Variants in LRIT1 observed in about 807,000 individuals in gnomAD.
LRIT1 encodes the protein leucine-rich repeat, immunoglobulin-like domain and transmembrane domain-containing protein 1.
A neutral mutation model predicts 24.0 loss-of-function variants in LRIT1; 23 were observed. The observed-to-expected ratio is 0.96, with a 90% CI of 0.69 to 1.36. LRIT1 has a LOEUF of 1.36. LRIT1 is among the 40% of genes most tolerant of loss of function. The pLI, the probability that LRIT1 is intolerant of heterozygous loss-of-function variation, is 0.00. For missense variants in LRIT1, 846 were observed against 806.3 expected (o/e 1.05, Z -0.60); for synonymous variants, 361 against 340.5 (o/e 1.06, Z -0.66).
In LRIT1 at chr10:84,233,675, C is replaced by G. The variant is rs376453296; in HGVS notation, c.895+398G>C. 6.2e-4 allele frequency among the ~76,000 whole-genome samples: 94 copies of G among 152,344 alleles called. 4 individuals are homozygous for G. The South Asian group carries it at 0.019, about 32-fold the overall frequency. On this transcript the variant is annotated intron_variant, in intron 3 of 3. Transcript: ENST00000372105. The stretch of plus-strand genomic sequence containing the variant: ...TACACTTAGCACTGTGCTAGACCCA[C>G]ATGAAGAGCTCGATAGATGGTAGCT...
At chr10:84,238,441 G>C (rs1447732461) in intron 1 of LRIT1, among the ~76,000 whole-genome samples, 4 of 152,034 alleles carry the variant, frequency 2.6e-5, no homozygotes, top group African/African-American at 4.8e-5. Flanking sequence ...ATATACCAAG[G>C]ACATCAAAAA....
intron 2 of LRIT1, among the ~76,000 whole-genome samples, chr10:84,235,214 G>A (rs936085786): frequency 6.6e-6 from 1 of 151,986 alleles, no homozygotes; most frequent in African/African-American, 2.4e-5. Flanking sequence ...TATTTAATAC[G>A]TGCATCACAG....
intron 2 of LRIT1, among the ~76,000 whole-genome samples, chr10:84,235,744 G>A (rs1446561200): frequency 1.3e-5 from 2 of 151,914 alleles, no homozygotes; most frequent in Non-Finnish European, 2.9e-5. Flanking sequence ...CCAAGTAAGT[G>A]GGATTACAGG....
Position 84,241,368 on chromosome 10 carries a change from G to A in LRIT1, c.72C>T (p.Pro24=). The A allele has an allele frequency of 6.2e-7, 1 of 1,613,346 alleles. No homozygotes were observed. The highest frequency in any genetic ancestry group is 8.5e-7 in the Non-Finnish European group (1 of 1,179,724). The part of the protein sequence containing the change: ...AWPPQARGFC[P]SQCSCSLHIM... Reference sequence around the variant, plus strand: ...TATGGAGGCTGCAGCTGCATTGAGAGGGGCAGAAGCCCCGGGCCTGGGGGG... The same window carrying A: ...TATGGAGGCTGCAGCTGCATTGAGAAGGGCAGAAGCCCCGGGCCTGGGGGG... The change falls in exon 1 of 4, where the codon CCC becomes CCT. Residue 24 remains proline, a synonymous_variant. Coordinates refer to ENST00000372105, the MANE Select transcript of LRIT1 (RefSeq NM_015613.3).
In LRIT1 at chr10:84,232,918, G is replaced by A; in HGVS notation, c.896-15C>T. 1 of 1,602,254 alleles carries A rather than the reference G, an allele frequency of 6.2e-7. No homozygotes were observed. Among genetic ancestry groups the A allele is most frequent in the East Asian group, 2.2e-5 (1 of 44,790 alleles). On this transcript the variant is annotated splice_polypyrimidine_tract_variant and intron_variant, in intron 3 of 3. Transcript: ENST00000372105. ...TTCCTGGTGCACTAGGAGGAAAACA[G>A]GCATGTGTGGGAGAACGAATGGGCC...
At position 84,234,345 on chromosome 10, in the gene LRIT1, C is replaced by T. The variant is rs751251877; in HGVS notation, c.623G>A (p.Arg208Gln). ...CAAAAGATGAACCAGGTCATAGAGTCGGCAGTCACATGCCCAGGGGTTGTC... is the reference window on the plus strand; with the variant it reads ...CAAAAGATGAACCAGGTCATAGAGTTGGCAGTCACATGCCCAGGGGTTGTC... ...LQDNPWACDC[R>Q]LYDLVHLLDG... Residue 208 changes from arginine to glutamine, a missense_variant, in exon 3 of 4, where the codon CGA becomes CAA. By Grantham distance (43) the Arg-to-Gln change is conservative (BLOSUM62 1). Coordinates refer to ENST00000372105, the MANE Select transcript of LRIT1 (RefSeq NM_015613.3). 2.5e-5 allele frequency: 40 copies of T among 1,581,252 alleles called. No individual in the cohort carries two copies. The highest frequency in any genetic ancestry group is 3.5e-5 in the South Asian group (3 of 85,898).
rs1196592675 is a variant in LRIT1, at chr10:84,234,177, C to T, written c.791G>A (p.Arg264Lys). The stretch of plus-strand genomic sequence containing the variant: ...CAGTGCTGTGCCACCCAAAAGGGAC[C>T]TGATGCTGGCCACTCCTGGATGGAG... Reference protein sequence around the residue: ...PELHPGVASIRSLLGGTALLR... With the variant: ...PELHPGVASIKSLLGGTALLR... The change falls in exon 3 of 4, where the codon AGG (arginine) becomes AAG (lysine). Residue 264 changes from arginine to lysine, a missense_variant. Transcript: ENST00000372105. 1 of 1,614,042 alleles carries T rather than the reference C, an allele frequency of 6.2e-7. No individual in the cohort carries two copies. Among genetic ancestry groups the T allele is most frequent in the South Asian group, 1.1e-5 (1 of 91,080 alleles).
chr10:84,241,398 C>G lies in LRIT1; in HGVS notation c.42G>C (p.Ala14=). ...AGAAGCCCCGGGCCTGGGGGGGCCA[C>G]GCAAGGGCCAAGAGCCAGAGCATGC... The part of the protein sequence containing the change: ...ALGMLWLLAL[A]WPPQARGFCP... Residue 14 remains alanine (A), a synonymous_variant, in exon 1 of 4, where the codon GCG becomes GCC. Coordinates refer to ENST00000372105, the MANE Select transcript of LRIT1 (RefSeq NM_015613.3). The G allele has an allele frequency of 6.2e-7, 1 of 1,610,012 alleles. No homozygotes were observed. Among genetic ancestry groups the G allele is most frequent in the African/African-American group, 1.3e-5 (1 of 74,860 alleles).
chr10:84,234,219 T>G lies in LRIT1; in HGVS notation c.749A>C (p.Lys250Thr). ...TGGATGGAGCTCTGGGCCCTGGCAC[T>G]TCCTCAGTTCAAGCTGGCTGAAGGC... is the stretch of plus-strand genomic sequence containing the variant. ...GVAFSQLELR[K>T]CQGPELHPGV... Residue 250 changes from lysine (K) to threonine (T), a missense_variant, in exon 3 of 4, where the codon AAG becomes ACG. Lys to Thr is a moderately conservative substitution (Grantham distance 78). Coordinates refer to ENST00000372105, the MANE Select transcript of LRIT1 (RefSeq NM_015613.3). 6.2e-7 allele frequency: 1 copy of G among 1,614,052 alleles called. No individual in the cohort carries two copies. Among genetic ancestry groups the G allele is most frequent in the South Asian group, 1.1e-5 (1 of 91,074 alleles).
At position 84,232,498 on chromosome 10, in the gene LRIT1, A is replaced by T; in HGVS notation, c.1301T>A (p.Val434Glu). Residue 434 changes from valine (V) to glutamate (E), a missense_variant, in exon 4 of 4, where the codon GTG becomes GAG. Coordinates refer to ENST00000372105, the MANE Select transcript of LRIT1 (RefSeq NM_015613.3). ...GTGGTAAGTGTCCCCCACCACCTTC[A>T]CAGACCTCACCATTCGTGCCTCTGA... ...GPSEARMVRS[V>E]KVVGDTYHSV... The T allele has an allele frequency of 3.7e-6, 6 of 1,614,068 alleles. No individual in the cohort carries two copies. The highest frequency in any genetic ancestry group is 5.1e-6 in the Non-Finnish European group (6 of 1,180,006).
chr10:84,235,013 G>A (rs973184371), intron 2 of LRIT1, among the ~76,000 whole-genome samples: 3 of 152,166 alleles, frequency 2.0e-5, no homozygotes, highest in African/African-American at 7.2e-5. Flanking sequence ...TAGAGATGGA[G>A]GGGTACCATG....
chr10:84,231,743 C>T lies in LRIT1; in HGVS notation c.*184G>A, dbSNP rs576521610. On this transcript the variant is annotated 3_prime_UTR_variant, in exon 4 of 4. Transcript: ENST00000372105. ...TTTAGCACTTAGAACACTTTCTAGTCTGTAGTAAGTGCTTAACAAGTGTTA... is the reference window on the plus strand; with the variant it reads ...TTTAGCACTTAGAACACTTTCTAGTTTGTAGTAAGTGCTTAACAAGTGTTA... 2.7e-3 allele frequency: 1,651 copies of T among 612,624 alleles called. 28 individuals are homozygous for T. Among genetic ancestry groups the T allele is most frequent in the Non-Finnish European group, 1.2e-3 (425 of 354,562 alleles). 37.9% of individuals were successfully genotyped at this position (612,624 alleles called of 1,614,324 possible).
In LRIT1 at chr10:84,237,367, C is replaced by A. The variant is rs1303883939; in HGVS notation, c.442G>T (p.Ala148Ser). The A allele has an allele frequency of 3.2e-6, 5 of 1,549,600 alleles. No homozygotes were observed. The highest frequency in any genetic ancestry group is 4.9e-5 in the East Asian group (2 of 40,896). ...LQANRLSAVPAEAARFLENLT... is the reference protein window; with the variant it reads ...LQANRLSAVPSEAARFLENLT... ...TTCTCCAGGAAGCGCGCGGCCTCAG[C>A]GGGCACAGCCGAGAGGCGGTTGGCC... Residue 148 changes from alanine to serine, a missense_variant, in exon 2 of 4, where the codon GCT (alanine) becomes TCT (serine). Transcript: ENST00000372105.
chr10:84,238,540 C>T (rs1375479942), intron 1 of LRIT1, among the ~76,000 whole-genome samples: 1 of 152,186 alleles, frequency 6.6e-6, no homozygotes, highest in East Asian at 1.9e-4. Flanking sequence ...AGCCCCACAG[C>T]TGGATTCACA....
chr10:84,238,382 A>C (rs1842669452), intron 1 of LRIT1, among the ~76,000 whole-genome samples: 1 of 152,156 alleles, frequency 6.6e-6, no homozygotes, highest in Non-Finnish European at 1.5e-5. Context: ...TCGTTTGTTA[A>C]ATTATACCTC....
Position 84,232,343 on chromosome 10 carries a change from T to C in LRIT1, c.1456A>G (p.Thr486Ala). Residue 486 changes from threonine to alanine, a missense_variant, in exon 4 of 4, where the codon ACT (threonine) becomes GCT (alanine). Thr to Ala is a moderately conservative substitution (Grantham distance 58, BLOSUM62 0). Transcript: ENST00000372105. ...VQPGKTRVTI[T>A]GLLPKTKYVA... is the part of the protein sequence containing the mutation. ...TACTTGGTCTTGGGCAACAGCCCAG[T>C]GATGGTCACTCTGGTCTTCCCAGGC... The C allele has an allele frequency of 6.2e-7, 1 of 1,613,938 alleles. No individual in the cohort carries two copies. The highest frequency in any genetic ancestry group is 8.5e-7 in the Non-Finnish European group (1 of 1,179,952).
rs769964682 is a variant in LRIT1, at chr10:84,232,342, G to C, written c.1457C>G (p.Thr486Ser). ...VQPGKTRVTI[T>S]GLLPKTKYVA... ...ATACTTGGTCTTGGGCAACAGCCCAGTGATGGTCACTCTGGTCTTCCCAGG... is the reference window on the plus strand; with the variant it reads ...ATACTTGGTCTTGGGCAACAGCCCACTGATGGTCACTCTGGTCTTCCCAGG... Residue 486 changes from threonine to serine, a missense_variant, in exon 4 of 4, where the codon ACT becomes AGT. Physicochemically the swap from Thr to Ser is moderately conservative, Grantham distance 58. Transcript: ENST00000372105. 1.9e-6 allele frequency: 3 copies of C among 1,613,974 alleles called. No homozygotes were observed. Among genetic ancestry groups the C allele is most frequent in the Non-Finnish European group, 2.5e-6 (3 of 1,179,964 alleles).
chr10:84,237,089 C>T (rs888330801), intron 2 of LRIT1, 131 bp downstream of exon 2: 2 of 746,232 alleles, frequency 2.7e-6, no homozygotes, highest in Non-Finnish European at 4.4e-6. Context: ...CCTAAACCCG[C>T]CGCTCTTGTG....
chr10:84,238,436 C>T (rs1429094650), intron 1 of LRIT1, among the ~76,000 whole-genome samples: 1 of 151,892 alleles, frequency 6.6e-6, no homozygotes, highest in African/African-American at 2.4e-5. Context: ...AAAAAATATA[C>T]CAAGGACATC....
Sources: gnomAD v4.1 joint callset for allele counts (sites outside exome capture counted in the v4.1 genomes callset) on GRCh38, gnomAD v4.1.1 for gene constraint, MANE v1.5 for transcripts, NCBI Gene and HGNC (gene_info 2026-07-23, HGNC 2026-07-21) for gene names.